The following BCAS3 variants were observed in gnomAD, a reference collection of about 807,000 sequenced individuals.
The protein encoded by BCAS3 is BCAS3 microtubule associated cell migration factor.
Under a neutral mutation model 116.1 loss-of-function variants are expected in BCAS3, and 53 were observed. That is an observed-to-expected ratio of 0.46 (90% CI 0.37 to 0.57). BCAS3 has a LOEUF of 0.57. Ranked by LOEUF, BCAS3 falls within the 20% of genes least tolerant of loss-of-function variation. The probability of loss-of-function intolerance (pLI) is 0.00; values close to 1 mark genes in which losing one functional copy is unlikely to be tolerated. For synonymous variants in BCAS3, 391 were observed against 408.2 expected (o/e 0.96, Z 0.51); for missense variants, 917 against 1,165.4 (o/e 0.79, Z 3.10).
chr17:61,119,168 T>A (rs1383646790), intron 22 of BCAS3, among the ~76,000 whole-genome samples: 3 of 152,154 alleles, frequency 2.0e-5, no homozygotes, highest in South Asian at 2.1e-4. Flanking sequence ...TTTTAACACC[T>A]ATTGAGGACA....
Position 61,388,959 on chromosome 17 carries a change from A to ATCAT in BCAS3, c.2594-2977_2594-2974dup, listed in dbSNP as rs58589853. 548 of 303,694 alleles carry ATCAT rather than the reference A, an allele frequency of 1.8e-3. 1 individual carries two copies. The highest frequency in any genetic ancestry group is 7.4e-3 in the African/African-American group (341 of 46,264). 18.8% of individuals were successfully genotyped at this position (303,694 alleles called of 1,614,324 possible). A position where few individuals can be genotyped will look rare whatever the true frequency, so the allele number is the denominator to read the frequency against. ...ATGGGCCCCCACCTCCCCTTACCAC[A>ATCAT]TCATTCATTCATTCATTCATTCATT... is the stretch of plus-strand genomic sequence containing the variant. On this transcript the variant is annotated intron_variant, in intron 23 of 23. Coordinates refer to ENST00000407086, the MANE Select transcript of BCAS3 (RefSeq NM_017679.5). The surrounding 1 kb of genome is among the most constrained non-coding windows in gnomAD (Gnocchi z 6.5).
chr17:61,163,901 G>T (rs554473410), intron 22 of BCAS3, among the ~76,000 whole-genome samples: 27 of 150,018 alleles, frequency 1.8e-4, no homozygotes, highest in Non-Finnish European at 3.5e-4. Flanking sequence ...CAGGAGAATC[G>T]CTTGTTTCTC....
rs2082053900 is a variant in BCAS3, at chr17:61,220,582, T to C, written c.2425+136018T>C. Reference sequence around the variant, plus strand: ...AATTCTCTTTGCTAAAACAATGAGGTAGTTCAGTGAGGTAATACAATGACA... The same window carrying C: ...AATTCTCTTTGCTAAAACAATGAGGCAGTTCAGTGAGGTAATACAATGACA... On this transcript the variant is annotated intron_variant, in intron 22 of 23. Transcript: ENST00000407086. This position sits in a 1 kb window ranked among gnomAD's most constrained non-coding sequence, Gnocchi z 4.5. 2.6e-5 allele frequency among the ~76,000 whole-genome samples: 4 copies of C among 152,014 alleles called. No homozygotes were observed. Among genetic ancestry groups the C allele is most frequent in the Admixed American group, 2.0e-4 (3 of 15,264 alleles).
intron 6 of BCAS3, among the ~76,000 whole-genome samples, chr17:60,758,588 G>C (rs550027060): frequency 5.9e-5 from 9 of 152,032 alleles, no homozygotes; most frequent in African/African-American, 1.9e-4. Flanking sequence ...TGTCATGTTG[G>C]CCAGGCTGGT....
At chr17:60,898,450 T>TG (rs1022747053) in intron 10 of BCAS3, among the ~76,000 whole-genome samples, 45 of 150,686 alleles carry the variant, frequency 3.0e-4, no homozygotes, top group African/African-American at 1.0e-3. Context: ...TGTAGTCTGA[T>TG]TTTTTTTTTC....
intron 22 of BCAS3, among the ~76,000 whole-genome samples, chr17:61,163,110 C>T (rs2144070332): frequency 6.6e-6 from 1 of 152,274 alleles, no homozygotes; most frequent in East Asian, 1.9e-4. Context: ...CTGCGGCACA[C>T]ACGATAAATA....
chr17:60,703,764 A>T (rs2036733844), intron 4 of BCAS3, among the ~76,000 whole-genome samples: 2 of 148,060 alleles, frequency 1.4e-5, no homozygotes, highest in South Asian at 4.3e-4. Context: ...AATACAAAAA[A>T]TTAGCCGGGC....
chr17:61,074,671 T>C (rs1467258945), intron 19 of BCAS3, among the ~76,000 whole-genome samples: 2 of 152,224 alleles, frequency 1.3e-5, no homozygotes, highest in Non-Finnish European at 2.9e-5. Context: ...TATTAGCATA[T>C]GTAGTTAGTT....
intron 22 of BCAS3, among the ~76,000 whole-genome samples, chr17:61,280,879 G>C (rs1012512346): frequency 5.3e-5 from 8 of 152,304 alleles, no homozygotes; most frequent in African/African-American, 1.7e-4. Flanking sequence ...CAGGTTGAAG[G>C]CTTTCTCCAA....
In BCAS3 at chr17:60,999,466, G is replaced by A. The variant is rs190460332; in HGVS notation, c.1486+9231G>A. ...TGAGGCAGGAGAATCACCTGAACCCGCGAGCTGAATGTTGCAGTGAGCTGA... is the reference window on the plus strand; with the variant it reads ...TGAGGCAGGAGAATCACCTGAACCCACGAGCTGAATGTTGCAGTGAGCTGA... On this transcript the variant is annotated intron_variant, in intron 15 of 23. Transcript: ENST00000407086. Among the ~76,000 whole-genome samples the A allele has an allele frequency of 1.8e-3, 279 of 151,220 alleles. 4 individuals carry two copies. The highest frequency in any genetic ancestry group is 4.0e-4 in the Non-Finnish European group (27 of 67,848).
chr17:61,005,582 G>A (rs552937357), intron 15 of BCAS3, among the ~76,000 whole-genome samples: 6 of 152,004 alleles, frequency 3.9e-5, no homozygotes, highest in Admixed American at 6.6e-5. Flanking sequence ...CATGACCTGC[G>A]TCATGATGCT....
At position 61,333,801 on chromosome 17, in the gene BCAS3, A is replaced by G. The variant is rs762486457; in HGVS notation, c.2426-34526A>G. 7.8e-4 allele frequency among the ~76,000 whole-genome samples: 119 copies of G among 151,794 alleles called. No homozygotes were observed. The highest frequency in any genetic ancestry group is 4.0e-3 in the South Asian group (19 of 4,796). On this transcript the variant is annotated intron_variant, in intron 22 of 23. Transcript: ENST00000407086. The surrounding 1 kb of genome is among the most constrained non-coding windows in gnomAD (Gnocchi z 4.8). The stretch of plus-strand genomic sequence containing the variant: ...ACACCCAGCTCATTTTTATATTTTC[A>G]GTAAAATGGGGTTTCACCATGTTGG...
chr17:60,828,056 C>T (rs1396307061), intron 7 of BCAS3, among the ~76,000 whole-genome samples: 2 of 151,864 alleles, frequency 1.3e-5, no homozygotes, highest in Non-Finnish European at 2.9e-5. Context: ...AGGATGCAGT[C>T]TTGACATATA....
chr17:60,929,846 T>G (rs982717634), intron 13 of BCAS3, among the ~76,000 whole-genome samples: 1 of 151,608 alleles, frequency 6.6e-6, no homozygotes, highest in African/African-American at 2.4e-5. Flanking sequence ...TGCAATAGTT[T>G]ACTGAGAATG....
At chr17:61,237,508 C>T (rs1415485396) in intron 22 of BCAS3, among the ~76,000 whole-genome samples, 1 of 152,214 alleles carries the variant, frequency 6.6e-6, no homozygotes, top group Non-Finnish European at 1.5e-5. Context: ...GGTTCTTTTG[C>T]TCTTCACAAT....
intron 22 of BCAS3, among the ~76,000 whole-genome samples, chr17:61,102,287 G>A (rs2074375832): frequency 1.3e-5 from 2 of 152,032 alleles, no homozygotes; most frequent in African/African-American, 2.4e-5. Context: ...AAGTTAAATA[G>A]GATTCTTAAC....
chr17:60,702,161 G>A (rs2036508608), intron 4 of BCAS3, among the ~76,000 whole-genome samples: 1 of 152,122 alleles, frequency 6.6e-6, no homozygotes, highest in African/African-American at 2.4e-5. Flanking sequence ...TGAATTGAAT[G>A]CAATTGAATT....
At position 61,124,999 on chromosome 17, in the gene BCAS3, G is replaced by T. The variant is rs2075980940; in HGVS notation, c.2425+40435G>T. 6.6e-6 allele frequency among the ~76,000 whole-genome samples: 1 copy of T among 152,228 alleles called. No homozygotes were observed. Among genetic ancestry groups the T allele is most frequent in the Admixed American group, 6.5e-5 (1 of 15,296 alleles). On this transcript the variant is annotated intron_variant, in intron 22 of 23. Coordinates refer to ENST00000407086, the MANE Select transcript of BCAS3 (RefSeq NM_017679.5). The surrounding 1 kb of genome is among the most constrained non-coding windows in gnomAD (Gnocchi z 4.6). ...CTTTCTTCACTTATAAATAATGGTG[G>T]CTTTCATAGGAGAGTGTTTTAAATC...
chr17:61,059,139 G>C (rs1384676627), intron 19 of BCAS3, among the ~76,000 whole-genome samples: 2 of 136,694 alleles, frequency 1.5e-5, no homozygotes, highest in African/African-American at 5.8e-5. Context: ...CTGGAGTGCG[G>C]TGGCACAATC....
Sources: gnomAD v4.1 joint callset for allele counts (sites outside exome capture counted in the v4.1 genomes callset) on GRCh38, gnomAD v4.1.1 for gene constraint, Gnocchi (gnomAD v3.1) non-coding constraint, MANE v1.5 for transcripts, NCBI Gene and HGNC (gene_info 2026-07-23, HGNC 2026-07-21) for gene names.